Variants in NDUFAF2 observed in about 807,000 individuals in gnomAD.
NDUFAF2 encodes NADH dehydrogenase [ubiquinone] 1 alpha subcomplex assembly factor 2.
A neutral mutation model predicts 22.8 loss-of-function variants in NDUFAF2; 13 were observed. That is an observed-to-expected ratio of 0.57 (90% confidence interval 0.37 to 0.91). The LOEUF is 0.91. NDUFAF2 is among the 40% of genes least tolerant of loss of function. NDUFAF2 has a pLI of 0.01. For missense variants in NDUFAF2, 162 were observed against 195.2 expected (o/e 0.83, Z 1.01); for synonymous variants, 53 against 64.2 (o/e 0.83, Z 0.84).
chr5:61,064,882 C>G (rs961768593), intron 1 of NDUFAF2, among the ~76,000 whole-genome samples: 4 of 150,582 alleles, frequency 2.7e-5, no homozygotes, highest in Non-Finnish European at 5.9e-5. Context: ...AGATTCAGAA[C>G]AGAAATAAAT....
chr5:60,973,841 G>C (rs1049217301), intron 1 of NDUFAF2, among the ~76,000 whole-genome samples: 1 of 152,086 alleles, frequency 6.6e-6, no homozygotes, highest in African/African-American at 2.4e-5. Flanking sequence ...GTCTCACTCT[G>C]TCACCCTAGT....
At chr5:60,965,964 A>AATT (rs1561529175) in intron 1 of NDUFAF2, among the ~76,000 whole-genome samples, 1 of 152,030 alleles carries the variant, frequency 6.6e-6, no homozygotes, top group Non-Finnish European at 1.5e-5. Context: ...CATAATGGCT[A>AATT]TACTAATTTA....
At chr5:61,079,870 C>T (rs1052503022) in intron 2 of NDUFAF2, among the ~76,000 whole-genome samples, 1 of 152,180 alleles carries the variant, frequency 6.6e-6, no homozygotes, top group African/African-American at 2.4e-5. Context: ...TGGATTTTGA[C>T]AGGATTCCCT....
intron 1 of NDUFAF2, among the ~76,000 whole-genome samples, chr5:61,004,695 C>T (rs1206672346): frequency 1.3e-5 from 2 of 151,970 alleles, no homozygotes; most frequent in Non-Finnish European, 2.9e-5. Context: ...GGTAAATAAA[C>T]ATTGTGACTC....
At chr5:60,956,455 C>G (rs1393594221) in intron 1 of NDUFAF2, among the ~76,000 whole-genome samples, 1 of 152,108 alleles carries the variant, frequency 6.6e-6, no homozygotes, top group Non-Finnish European at 1.5e-5. Flanking sequence ...GTCTGTTTTT[C>G]ACTCTTGAAT....
intron 1 of NDUFAF2, among the ~76,000 whole-genome samples, chr5:61,069,126 C>CCTT (rs1752264783): frequency 7.3e-6 from 1 of 136,896 alleles, no homozygotes; most frequent in African/African-American, 2.7e-5. Flanking sequence ...AATGTTAGTG[C>CCTT]TTTTTTTTTT....
At chr5:60,962,517 T>C (rs1750702286) in intron 1 of NDUFAF2, among the ~76,000 whole-genome samples, 1 of 152,186 alleles carries the variant, frequency 6.6e-6, no homozygotes, top group Non-Finnish European at 1.5e-5. Flanking sequence ...AATTTTACTT[T>C]GCATTCACCT....
chr5:61,128,287 GA>G (rs57395355), intron 3 of NDUFAF2, among the ~76,000 whole-genome samples: 19,899 of 151,792 alleles, frequency 0.13, 1,481 homozygotes, highest in African/African-American at 0.2. Flanking sequence ...CACAGAATTG[GA>G]AAAAAACTAC....
chr5:61,031,033 C>CT (rs1751716742), intron 1 of NDUFAF2, among the ~76,000 whole-genome samples: 2 of 151,930 alleles, frequency 1.3e-5, no homozygotes, highest in African/African-American at 4.8e-5. Context: ...CCTTTGGCTG[C>CT]TTTTTTAAAC....
chr5:61,043,048 C>T (rs1751903046), intron 1 of NDUFAF2, among the ~76,000 whole-genome samples: 1 of 152,084 alleles, frequency 6.6e-6, no homozygotes, highest in East Asian at 1.9e-4. Context: ...GGTGAAACCC[C>T]GTCTCTACTA....
intron 1 of NDUFAF2, among the ~76,000 whole-genome samples, chr5:61,034,916 G>A (rs73759460): frequency 3.9e-4 from 58 of 147,658 alleles, no homozygotes; most frequent in Middle Eastern, 3.4e-3. Flanking sequence ...ATATATATGT[G>A]TGTGTGTGTG....
intron 1 of NDUFAF2, among the ~76,000 whole-genome samples, chr5:61,056,909 AAAAAAAAAAAATATAT>A (rs1467044519): frequency 2.1e-4 from 9 of 42,218 alleles, no homozygotes; most frequent in African/African-American, 5.5e-4. Context: ...AAAAAAAAAA[AAAAAAAAAAAATATAT>A]ATATATATAT....
intron 1 of NDUFAF2, among the ~76,000 whole-genome samples, chr5:61,045,170 T>A (rs10039690): frequency 2.0e-4 from 13 of 64,060 alleles, no homozygotes; most frequent in South Asian, 1.1e-3. Flanking sequence ...TTTTATTAAA[T>A]TTTAATAAAA....
At chr5:61,082,881 A>G (rs1752460885) in intron 2 of NDUFAF2, among the ~76,000 whole-genome samples, 1 of 152,184 alleles carries the variant, frequency 6.6e-6, no homozygotes, top group African/African-American at 2.4e-5. Flanking sequence ...CTTTGGATAT[A>G]TACTCAGTAA....
intron 2 of NDUFAF2, among the ~76,000 whole-genome samples, chr5:61,076,557 T>C (rs559792569): frequency 1.3e-5 from 2 of 152,106 alleles, no homozygotes; most frequent in Non-Finnish European, 2.9e-5. Flanking sequence ...GTGATTGGGA[T>C]AGAATGAGAG....
At chr5:61,051,232 C>T (rs899287032) in intron 1 of NDUFAF2, among the ~76,000 whole-genome samples, 2 of 152,158 alleles carry the variant, frequency 1.3e-5, no homozygotes, top group African/African-American at 4.8e-5. Context: ...AGATACCTCT[C>T]ACAGAAAGTT....
chr5:61,068,429 A>G (rs1366319331), intron 1 of NDUFAF2, among the ~76,000 whole-genome samples: 3 of 152,122 alleles, frequency 2.0e-5, no homozygotes. Context: ...TTATGCAACA[A>G]TGACATGAAA....
intron 1 of NDUFAF2, among the ~76,000 whole-genome samples, chr5:60,998,088 T>A (rs1751250595): frequency 6.6e-6 from 1 of 152,178 alleles, no homozygotes; most frequent in Non-Finnish European, 1.5e-5. Context: ...CAAAATGAAA[T>A]TTGTAGGTAC....
At chr5:60,959,213 A>T (rs1750654178) in intron 1 of NDUFAF2, among the ~76,000 whole-genome samples, 1 of 152,026 alleles carries the variant, frequency 6.6e-6, no homozygotes, top group Admixed American at 6.5e-5. Context: ...TTTCAATGTG[A>T]TATTTTCTCT....
Sources: allele counts gnomAD v4.1 joint callset (sites outside exome capture counted in the v4.1 genomes callset), GRCh38; gene constraint gnomAD v4.1.1; transcripts MANE v1.5; gene names NCBI Gene and HGNC (gene_info 2026-07-23, HGNC 2026-07-21).